BMAL1: variants seen among roughly 807,000 people sequenced by gnomAD.
BMAL1 encodes the protein basic helix-loop-helix ARNT like 1.
At chr11:13,284,239 T>C in the BMAL1 span, among the ~76,000 whole-genome samples, 42 of 1,674 alleles carry the variant, frequency 0.025, 1 homozygote, top group Non-Finnish European at 0.17. Context: ...TGTGTGTATA[T>C]ATATATATAT....
At chr11:13,333,753 T>G in the BMAL1 span, among the ~76,000 whole-genome samples, 96 of 152,338 alleles carry the variant, frequency 6.3e-4, no homozygotes, top group African/African-American at 2.2e-3. Flanking sequence ...AAATCCTCCT[T>G]TATTCTGACC....
the BMAL1 span, chr11:13,376,533 TG>T: frequency 1.0e-6 from 1 of 1,004,034 alleles, no homozygotes; most frequent in Non-Finnish European, 1.6e-6. Flanking sequence ...CTTCATTTTC[TG>T]GCCTGTCCAG....
the BMAL1 span, chr11:13,374,266 T>A: frequency 6.9e-7 from 1 of 1,448,254 alleles, no homozygotes; most frequent in Non-Finnish European, 9.6e-7. Flanking sequence ...CTAGTCAACA[T>A]GACCTTCCAG....
At chr11:13,281,900 C>G in the BMAL1 span, among the ~76,000 whole-genome samples, 2 of 152,228 alleles carry the variant, frequency 1.3e-5, no homozygotes, top group Non-Finnish European at 2.9e-5. Context: ...GATTCTCTTC[C>G]TGCACCCCTG....
chr11:13,378,187 C>T, the BMAL1 span: 12 of 1,148,226 alleles, frequency 1.0e-5, no homozygotes, highest in East Asian at 2.6e-4. Context: ...AATGCCTTTT[C>T]CTGACAAGCT....
chr11:13,317,820 C>G, the BMAL1 span, among the ~76,000 whole-genome samples: 1 of 152,176 alleles, frequency 6.6e-6, no homozygotes, highest in Non-Finnish European at 1.5e-5. Flanking sequence ...AAAAGTGAGC[C>G]AAATTAGCCA....
the BMAL1 span, chr11:13,354,270 C>G: frequency 1.1e-4 from 135 of 1,284,110 alleles, no homozygotes; most frequent in Non-Finnish European, 1.3e-4. Context: ...TCGAAATAAA[C>G]ACACCTTTGT....
At chr11:13,319,936 C>T in the BMAL1 span, among the ~76,000 whole-genome samples, 6 of 152,200 alleles carry the variant, frequency 3.9e-5, no homozygotes, top group African/African-American at 1.2e-4. Flanking sequence ...AAGTTTTTGC[C>T]TACAACACCC....
At chr11:13,325,657 T>TGTGTGTGTGTGTG in the BMAL1 span, among the ~76,000 whole-genome samples, 1 of 134,348 alleles carries the variant, frequency 7.4e-6, no homozygotes, top group African/African-American at 2.9e-5. Flanking sequence ...TTGAGACCTT[T>TGTGTGTGTGTGTG]TGTGTGTGTG....
the BMAL1 span, among the ~76,000 whole-genome samples, chr11:13,320,323 C>T: frequency 6.6e-6 from 1 of 152,198 alleles, no homozygotes; most frequent in Non-Finnish European, 1.5e-5. Flanking sequence ...TTAGCACTAA[C>T]CTCACTTTTA....
the BMAL1 span, among the ~76,000 whole-genome samples, chr11:13,282,160 G>A: frequency 6.6e-6 from 1 of 152,170 alleles, no homozygotes; most frequent in Non-Finnish European, 1.5e-5. Flanking sequence ...CTAAAAGGCA[G>A]TTTGGTTGGG....
chr11:13,351,250 G>T, the BMAL1 span, among the ~76,000 whole-genome samples: 1 of 152,326 alleles, frequency 6.6e-6, no homozygotes, highest in East Asian at 1.9e-4. Context: ...TGCTGTTTTT[G>T]GAATGTCGAG....
chr11:13,355,380 C>A, the BMAL1 span: 7 of 1,279,958 alleles, frequency 5.5e-6, no homozygotes, highest in South Asian at 4.8e-5. Context: ...TCTTCCATAG[C>A]AGTAACTCCC....
the BMAL1 span, among the ~76,000 whole-genome samples, chr11:13,284,077 G>GGGGTGTGT: frequency 5.0e-4 from 43 of 85,628 alleles, no homozygotes; most frequent in African/African-American, 2.2e-3. Flanking sequence ...ACAGTGTTGG[G>GGGGTGTGT]GTGTGTGTGT....
At chr11:13,362,343 G>A in the BMAL1 span, among the ~76,000 whole-genome samples, 3 of 152,152 alleles carry the variant, frequency 2.0e-5, no homozygotes, top group Non-Finnish European at 4.4e-5. Flanking sequence ...ATCTTGTATA[G>A]GTGCTTTTTT....
chr11:13,351,929 G>A, the BMAL1 span, among the ~76,000 whole-genome samples: 1 of 152,184 alleles, frequency 6.6e-6, no homozygotes, highest in Non-Finnish European at 1.5e-5. Flanking sequence ...GCTGGAGGAG[G>A]ATGGTATTCA....
the BMAL1 span, among the ~76,000 whole-genome samples, chr11:13,364,635 G>GT: frequency 6.6e-6 from 1 of 152,200 alleles, no homozygotes; most frequent in Admixed American, 6.5e-5. Flanking sequence ...TTGAGTGGTT[G>GT]TATGTCTGGA....
At chr11:13,345,222 G>T in the BMAL1 span, among the ~76,000 whole-genome samples, 1 of 152,172 alleles carries the variant, frequency 6.6e-6, no homozygotes, top group Non-Finnish European at 1.5e-5. Context: ...CTTCCCTGGG[G>T]TCCCATTTTA....
chr11:13,345,469 T>C, the BMAL1 span, among the ~76,000 whole-genome samples: 1 of 152,366 alleles, frequency 6.6e-6, no homozygotes, highest in Admixed American at 6.5e-5. Flanking sequence ...TTCCTGTAGC[T>C]TTCCTGACCC....
Sources: allele counts gnomAD v4.1 joint callset (sites outside exome capture counted in the v4.1 genomes callset), GRCh38; gene constraint gnomAD v4.1.1; transcripts MANE v1.5; gene names NCBI Gene and HGNC (gene_info 2026-07-23, HGNC 2026-07-21).